PDE1C: variants seen among roughly 807,000 people sequenced by gnomAD.
PDE1C encodes the protein dual specificity calcium/calmodulin-dependent 3',5'-cyclic nucleotide phosphodiesterase 1C.
A neutral mutation model predicts 93.1 loss-of-function variants in PDE1C; 62 were observed. The ratio of observed to expected loss-of-function variants is 0.67; its 90% CI spans 0.54 to 0.82. The LOEUF is 0.82. PDE1C is among the 40% of genes least tolerant of loss of function. The probability of loss-of-function intolerance (pLI) is 0.00; values close to 1 mark genes in which losing one functional copy is unlikely to be tolerated. For synonymous variants in PDE1C, 325 were observed against 310.1 expected (o/e 1.05, Z -0.50); for missense variants, 742 against 884.6 (o/e 0.84, Z 2.04).
chr7:32,113,380 CTGT>C (rs1563323720), intron 3 of PDE1C, among the ~76,000 whole-genome samples: 2 of 148,878 alleles, frequency 1.3e-5, no homozygotes, highest in African/African-American at 2.5e-5. Flanking sequence ...TCATCTCTGT[CTGT>C]CTACATGTGA....
At chr7:32,027,172 G>A (rs755565468) in intron 2 of PDE1C, among the ~76,000 whole-genome samples, 6 of 152,058 alleles carry the variant, frequency 3.9e-5, no homozygotes, top group East Asian at 1.9e-4. Flanking sequence ...AACTTCGGGC[G>A]AGAATGATCT....
chr7:32,236,570 A>G (rs1371372349), intron 1 of PDE1C, among the ~76,000 whole-genome samples: 1 of 152,200 alleles, frequency 6.6e-6, no homozygotes, highest in Non-Finnish European at 1.5e-5. Context: ...ATCATTATCT[A>G]TTAAGGAAAT....
At chr7:32,375,515 G>A (rs1399264005) in intron 1 of PDE1C, among the ~76,000 whole-genome samples, 1 of 152,182 alleles carries the variant, frequency 6.6e-6, no homozygotes, top group African/African-American at 2.4e-5. Context: ...GGGTGGTGGT[G>A]GTATATCAAC....
chr7:31,806,425 T>G (rs1405467928), intron 16 of PDE1C, among the ~76,000 whole-genome samples: 2 of 152,008 alleles, frequency 1.3e-5, no homozygotes, highest in African/African-American at 4.8e-5. Flanking sequence ...ATTAGAATCT[T>G]GGCTCAGAGA....
intron 3 of PDE1C, among the ~76,000 whole-genome samples, chr7:32,125,045 A>G (rs1192152880): frequency 1.3e-5 from 2 of 152,200 alleles, no homozygotes; most frequent in Non-Finnish European, 2.9e-5. Context: ...ACCCCATCAA[A>G]AAGTGGGCAA....
At chr7:31,768,371 A>T (rs181514538) in intron 17 of PDE1C, among the ~76,000 whole-genome samples, 24 of 152,318 alleles carry the variant, frequency 1.6e-4, no homozygotes, top group Admixed American at 1.5e-3. Context: ...TGACAAGCAT[A>T]ATATCTGTGT....
Position 32,140,812 on chromosome 7 carries a change from G to T in PDE1C, c.308+28973C>A, listed in dbSNP as rs567135980. On this transcript the variant is annotated intron_variant, in intron 3 of 18. Transcript: ENST00000396193. Reference sequence around the variant, plus strand: ...GTGCCCACTCGAGAGTGAGGATGTGGGATGTATAATAGAGGCAGGGAGTGA... The same window carrying T: ...GTGCCCACTCGAGAGTGAGGATGTGTGATGTATAATAGAGGCAGGGAGTGA... Among the ~76,000 whole-genome samples, 8 of 152,338 alleles carry T rather than the reference G, an allele frequency of 5.3e-5. No individual in the cohort carries two copies. In the East Asian group the frequency reaches 1.2e-3, roughly 22 times the overall value.
At chr7:31,731,331 T>G in the PDE1C span, among the ~76,000 whole-genome samples, 1 of 152,008 alleles carries the variant, frequency 6.6e-6, no homozygotes, top group Non-Finnish European at 1.5e-5. Context: ...AGCCAATCAC[T>G]GGCTAGGAAC....
At chr7:31,824,734 G>T in intron 13 of PDE1C, 133 bp downstream of exon 13, 1 of 1,119,080 alleles carries the variant, frequency 8.9e-7, no homozygotes, top group Non-Finnish European at 1.3e-6. Context: ...AAGGAAAGAG[G>T]CAGACAAATT....
At chr7:32,424,659 T>C (rs770977408) in intron 1 of PDE1C, among the ~76,000 whole-genome samples, 3 of 151,790 alleles carry the variant, frequency 2.0e-5, no homozygotes, top group Non-Finnish European at 4.4e-5. Context: ...TAGATATATA[T>C]AAATTAGCTG....
intron 2 of PDE1C, among the ~76,000 whole-genome samples, chr7:31,954,456 C>A (rs1807848608): frequency 1.3e-5 from 2 of 152,172 alleles, no homozygotes; most frequent in Non-Finnish European, 2.9e-5. Context: ...CTTGCATTAC[C>A]CTAGCTAACC....
the PDE1C span, among the ~76,000 whole-genome samples, chr7:31,725,522 C>T: frequency 6.6e-6 from 1 of 152,174 alleles, no homozygotes; most frequent in Non-Finnish European, 1.5e-5. Flanking sequence ...TGTTTGTCTA[C>T]CAAATTATGA....
chr7:32,216,042 G>A (rs1313411504), intron 1 of PDE1C, among the ~76,000 whole-genome samples: 1 of 152,214 alleles, frequency 6.6e-6, no homozygotes, highest in African/African-American at 2.4e-5. Flanking sequence ...ATTGGAATGA[G>A]GTTCCAGGCA....
the PDE1C span, among the ~76,000 whole-genome samples, chr7:31,734,558 A>G: frequency 6.6e-6 from 1 of 152,298 alleles, no homozygotes; most frequent in East Asian, 1.9e-4. Context: ...GTGAACTAGT[A>G]TTTCCAATTA....
At chr7:32,214,639 T>C (rs1287216128) in intron 1 of PDE1C, among the ~76,000 whole-genome samples, 2 of 152,220 alleles carry the variant, frequency 1.3e-5, no homozygotes, top group African/African-American at 4.8e-5. Context: ...CTTCTTCTTT[T>C]CAGGATGCTG....
intron 2 of PDE1C, among the ~76,000 whole-genome samples, chr7:31,969,512 G>T (rs1810579486): frequency 6.6e-6 from 1 of 152,140 alleles, no homozygotes; most frequent in African/African-American, 2.4e-5. Context: ...GAGAGGATGT[G>T]GAGAAATAGG....
chr7:32,102,346 T>C (rs1488263231), intron 3 of PDE1C, among the ~76,000 whole-genome samples: 1 of 152,192 alleles, frequency 6.6e-6, no homozygotes, highest in Non-Finnish European at 1.5e-5. Context: ...AGTGATATAC[T>C]GGAGGTCTAC....
chr7:32,301,835 A>T (rs1812888615), upstream of PDE1C, among the ~76,000 whole-genome samples: 1 of 152,254 alleles, frequency 6.6e-6, no homozygotes, highest in Non-Finnish European at 1.5e-5. Context: ...GCAGGATTTG[A>T]CAAATTAATG....
intron 2 of PDE1C, among the ~76,000 whole-genome samples, chr7:32,207,365 A>G (rs900230514): frequency 2.6e-5 from 4 of 151,064 alleles, no homozygotes; most frequent in African/African-American, 9.9e-5. Flanking sequence ...CAAAAAAAAA[A>G]AAAAAAACTT....
Sources: allele counts gnomAD v4.1 joint callset (sites outside exome capture counted in the v4.1 genomes callset), GRCh38; gene constraint gnomAD v4.1.1; transcripts MANE v1.5; gene names NCBI Gene and HGNC (gene_info 2026-07-23, HGNC 2026-07-21).